ZNF43: variants seen among roughly 807,000 people sequenced by gnomAD.
ZNF43 encodes zinc finger protein 39-like 1 (KOX 27).
A neutral mutation model predicts 68.4 loss-of-function variants in ZNF43; 44 were observed. The observed-to-expected ratio is 0.64, with a 90% CI of 0.51 to 0.83. The LOEUF (loss-of-function observed/expected upper bound fraction) is 0.83, where lower values mean the gene tolerates loss of function less well. Ranked by LOEUF, ZNF43 falls within the 40% of genes least tolerant of loss-of-function variation. The pLI is 0.00. For missense variants in ZNF43, 896 were observed against 933.2 expected, an observed-to-expected ratio of 0.96 and a Z score of 0.52; for synonymous variants, 308 against 307.8, an observed-to-expected ratio of 1.00 and a Z score of -0.01.
At chr19:21,828,972 G>A (rs1216598619) in intron 1 of ZNF43, among the ~76,000 whole-genome samples, 5 of 136,954 alleles carry the variant, frequency 3.7e-5, no homozygotes, top group East Asian at 4.5e-4. Context: ...GGCGGAGATC[G>A]CAGTGAGCCA....
At position 21,815,509 on chromosome 19, in the gene ZNF43, T is replaced by TATATATA. The variant is rs1568355560; in HGVS notation, c.229+2378_229+2379insTATATAT. ...TACATATATATATATATATATATAT[T>TATATATA]TTGCAGAATACGGTTACAGCCTCTG... On this transcript the variant is annotated intron_variant, in intron 3 of 3. Coordinates refer to ENST00000354959, the MANE Select transcript of ZNF43 (RefSeq NM_003423.4). Among the ~76,000 whole-genome samples, 818 of 129,536 alleles carry TATATATA rather than the reference T, an allele frequency of 6.3e-3. 15 individuals carry two copies. Among genetic ancestry groups the TATATATA allele is most frequent in the African/African-American group, 0.024 (747 of 31,414 alleles). 85.0% of individuals were successfully genotyped at this position (129,536 alleles called of 152,430 possible).
At chr19:21,834,577 T>C (rs2038597837) in intron 1 of ZNF43, among the ~76,000 whole-genome samples, 2 of 151,410 alleles carry the variant, frequency 1.3e-5, no homozygotes, top group Admixed American at 1.3e-4. Flanking sequence ...GCCAACAAGG[T>C]GAAACCCTGT....
chr19:21,822,434 A>C (rs1350297977), intron 1 of ZNF43, among the ~76,000 whole-genome samples: 1 of 144,340 alleles, frequency 6.9e-6, no homozygotes, highest in African/African-American at 2.6e-5. Context: ...CAGAACAATA[A>C]GCAGGCCTGA....
intron 1 of ZNF43, among the ~76,000 whole-genome samples, chr19:21,830,619 GC>G (rs2038381583): frequency 1.4e-5 from 2 of 139,056 alleles, no homozygotes; most frequent in South Asian, 4.6e-4. Context: ...ATAATAAATA[GC>G]CTAGAAACCA....
At chr19:21,835,172 C>T (rs1468665453) in intron 1 of ZNF43, among the ~76,000 whole-genome samples, 2 of 144,394 alleles carry the variant, frequency 1.4e-5, no homozygotes, top group Admixed American at 7.0e-5. Context: ...TCGCTTGAAT[C>T]CGGGAGACGG....
chr19:21,831,386 G>T lies in ZNF43; in HGVS notation c.3+4650C>A, dbSNP rs531760860. On this transcript the variant is annotated intron_variant, in intron 1 of 3. Transcript: ENST00000354959. ...ATTTTTATTTTATTTTTTTGAGACG[G>T]TGTCTTGCTCTGTCACCCAAGCTGG... 3.3e-5 allele frequency among the ~76,000 whole-genome samples: 5 copies of T among 151,798 alleles called. No individual in the cohort carries two copies. The East Asian group carries it at 9.7e-4, about 29-fold the overall frequency.
chr19:21,822,407 C>T (rs942816194), intron 1 of ZNF43, among the ~76,000 whole-genome samples: 2 of 140,652 alleles, frequency 1.4e-5, no homozygotes, highest in Non-Finnish European at 3.1e-5. Flanking sequence ...CACGCAGAAT[C>T]TGAACCAAAT....
At chr19:21,827,847 G>A (rs2038213565) in intron 1 of ZNF43, among the ~76,000 whole-genome samples, 1 of 151,956 alleles carries the variant, frequency 6.6e-6, no homozygotes, top group African/African-American at 2.4e-5. Flanking sequence ...TTTTAGTAAA[G>A]TTGGAGTTTC....
At chr19:21,813,146 G>A (rs143127893) in intron 3 of ZNF43, among the ~76,000 whole-genome samples, 1 of 151,888 alleles carries the variant, frequency 6.6e-6, no homozygotes, top group East Asian at 1.9e-4. Context: ...GGAAGCTGAG[G>A]CAGAAGACTC....
intron 1 of ZNF43, among the ~76,000 whole-genome samples, chr19:21,823,540 C>T (rs931799295): frequency 6.7e-6 from 1 of 149,456 alleles, no homozygotes; most frequent in African/African-American, 2.5e-5. Context: ...GCTGACTGCC[C>T]AATGATAAGC....
At chr19:21,846,258 C>T (rs141337054) in intron 1 of ZNF43, among the ~76,000 whole-genome samples, 1 of 152,130 alleles carries the variant, frequency 6.6e-6, no homozygotes, top group African/African-American at 2.4e-5. Flanking sequence ...CGATATCTCA[C>T]ATTTCTTACT....
Position 21,835,790 on chromosome 19 carries a change from A to G in ZNF43, c.3+246T>C, listed in dbSNP as rs184120970. Among the ~76,000 whole-genome samples the G allele has an allele frequency of 4.1e-3, 630 of 152,330 alleles. 2 individuals are homozygous for G. The highest frequency in any genetic ancestry group is 0.014 in the Middle Eastern group (4 of 294). On this transcript the variant is annotated intron_variant, in intron 1 of 3. Transcript: ENST00000354959. ...CTGTGGCCCCTGCACAATTTGGGAG[A>G]GACGCCGCGTTGCGGCTGCAGAGCT...
At chr19:21,811,248 C>T (rs1203970150) in intron 3 of ZNF43, among the ~76,000 whole-genome samples, 3 of 151,998 alleles carry the variant, frequency 2.0e-5, no homozygotes, top group East Asian at 3.9e-4. Context: ...AAACTATAGC[C>T]AAGCCAGGCA....
intron 3 of ZNF43, chr19:21,812,044 G>A (rs2145178872): frequency 2.5e-6 from 1 of 398,524 alleles, no homozygotes; most frequent in Admixed American, 4.4e-5. Flanking sequence ...ATTCAATAGA[G>A]AGACAATGCC....
intron 1 of ZNF43, among the ~76,000 whole-genome samples, chr19:21,846,910 C>G (rs1465492030): frequency 6.6e-6 from 1 of 152,172 alleles, no homozygotes; most frequent in Non-Finnish European, 1.5e-5. Flanking sequence ...AGGCAGAAGA[C>G]TCACATGTCA....
chr19:21,836,115 G>A lies in ZNF43; in HGVS notation c.-77C>T, dbSNP rs1314734972. On this transcript the variant is annotated 5_prime_UTR_variant, in exon 1 of 4. Transcript: ENST00000354959. ...CGCAGGTCACAGAGCCACAGAGGCT[G>A]GACCTCTAGCAGCAGAGGACACAGA... The A allele has an allele frequency of 1.2e-6, 2 of 1,609,908 alleles. No homozygotes were observed. Among genetic ancestry groups the A allele is most frequent in the Non-Finnish European group, 8.5e-7 (1 of 1,177,400 alleles).
Position 21,809,193 on chromosome 19 carries a change from C to T in ZNF43, c.844G>A (p.Gly282Arg), listed in dbSNP as rs773866154. 2.5e-6 allele frequency: 4 copies of T among 1,613,070 alleles called. No individual in the cohort carries two copies. Among genetic ancestry groups the T allele is most frequent in the African/African-American group, 1.3e-5 (1 of 74,750 alleles). ...TCTTTACATTTGTAGAATTTCTCTC[C>T]AGTGCGAATTATCTTATGGGTAGTA... ...ILTTHKIIRT[G>R]EKFYKCKECA... The change falls in exon 4 of 4, where the codon GGA becomes AGA. Residue 282 changes from glycine to arginine, a missense_variant. Transcript: ENST00000354959.
intron 3 of ZNF43, among the ~76,000 whole-genome samples, chr19:21,810,517 T>C (rs1273158200): frequency 1.3e-5 from 2 of 152,192 alleles, no homozygotes; most frequent in Non-Finnish European, 1.5e-5. Context: ...TTTGGAAACA[T>C]GGACATCCAA....
upstream of ZNF43, among the ~76,000 whole-genome samples, chr19:21,836,755 G>A (rs975814796): frequency 2.1e-4 from 32 of 151,946 alleles, 1 homozygote; most frequent in Admixed American, 1.0e-3. Flanking sequence ...CAGCTAATTT[G>A]TTATCATATT....
Sources: gnomAD v4.1 joint callset for allele counts (sites outside exome capture counted in the v4.1 genomes callset) on GRCh38, gnomAD v4.1.1 for gene constraint, MANE v1.5 for transcripts, NCBI Gene and HGNC (gene_info 2026-07-23, HGNC 2026-07-21) for gene names.